The following WAC variants were observed in gnomAD, a reference collection of about 807,000 sequenced individuals.
WAC encodes WW domain containing adaptor with coiled-coil, also known as WW domain-containing adapter protein with coiled-coil.
In WAC, 11 loss-of-function variants were observed where a neutral mutation model predicts 79.6. The ratio of observed to expected loss-of-function variants is 0.14; its 90% CI spans 0.09 to 0.23. WAC has a LOEUF of 0.23. Ranked by LOEUF, WAC falls within the 10% of genes least tolerant of loss-of-function variation. WAC has a pLI of 1.00. For missense variants in WAC, 728 were observed against 773.5 expected (o/e 0.94, Z 0.70); for synonymous variants, 304 against 276.9 (o/e 1.10, Z -0.97).
intron 8 of WAC, among the ~76,000 whole-genome samples, chr10:28,609,456 A>G (rs969041252): frequency 5.3e-5 from 8 of 152,244 alleles, no homozygotes; most frequent in African/African-American, 1.9e-4. Context: ...TATCCTAAAA[A>G]TAAAGCTATC....
chr10:28,548,182 C>G lies in WAC; in HGVS notation c.274+12425C>G, dbSNP rs539021154. On this transcript the variant is annotated intron_variant, in intron 3 of 13. Coordinates refer to ENST00000354911, the MANE Select transcript of WAC (RefSeq NM_016628.5). ...AGGTGATCCACCTGCCTCTGCCTCC[C>G]AAAGTGCTGGGATTTACAGGAGTGA... is the stretch of plus-strand genomic sequence containing the variant. 2.4e-4 allele frequency among the ~76,000 whole-genome samples: 37 copies of G among 152,184 alleles called. No individual in the cohort carries two copies. The Middle Eastern group carries it at 0.014, about 56-fold the overall frequency.
In WAC at chr10:28,617,719, T is replaced by C; in HGVS notation, c.1809T>C (p.Thr603=). 6.3e-7 allele frequency: 1 copy of C among 1,598,952 alleles called. No individual in the cohort carries two copies. Among genetic ancestry groups the C allele is most frequent in the Non-Finnish European group, 8.5e-7 (1 of 1,175,424 alleles). ...CTATTCACATGTCCGAAATTTGTAC[T>C]GAATTAAAAAATTTAAGATCTTTAG... ...MGTIHMSEIC[T]ELKNLRSLVR... Residue 603 remains threonine, a synonymous_variant, in exon 13 of 14, where the codon ACT becomes ACC. Transcript: ENST00000354911.
At chr10:28,544,755 G>T (rs1294120010) in intron 3 of WAC, among the ~76,000 whole-genome samples, 2 of 152,006 alleles carry the variant, frequency 1.3e-5, no homozygotes, top group African/African-American at 4.8e-5. Flanking sequence ...TTTGGGGATA[G>T]ATGTAAGGGT....
chr10:28,595,850 C>T lies in WAC; in HGVS notation c.728C>T (p.Ser243Phe). 1 of 1,614,162 alleles carries T rather than the reference C, an allele frequency of 6.2e-7. No individual in the cohort carries two copies. Among genetic ancestry groups the T allele is most frequent in the Non-Finnish European group, 8.5e-7 (1 of 1,180,004 alleles). Residue 243 changes from serine to phenylalanine, a missense_variant, in exon 7 of 14, where the codon TCT (serine) becomes TTT (phenylalanine). Ser to Phe is a radical substitution (Grantham distance 155). Transcript: ENST00000354911. ...CCAAGAGCAGAGACTCACAGTAGTT[C>T]TACGCCAGTACAGCACCCCATCAAA... ...RLPRAETHSS[S>F]TPVQHPIKPV...
intron 3 of WAC, among the ~76,000 whole-genome samples, chr10:28,579,310 T>G (rs1022298245): frequency 6.6e-6 from 1 of 152,084 alleles, no homozygotes; most frequent in South Asian, 2.1e-4. Context: ...TGTGACCCAA[T>G]GAAGCAATGG....
chr10:28,588,755 TC>T (rs1206027615), intron 4 of WAC: 1 of 152,204 alleles, frequency 6.6e-6, no homozygotes, highest in Admixed American at 6.5e-5. Context: ...AATTGACAAT[TC>T]TACATATTTA....
chr10:28,564,841 T>A (rs193042212), intron 3 of WAC, among the ~76,000 whole-genome samples: 124 of 152,368 alleles, frequency 8.1e-4, no homozygotes, highest in African/African-American at 2.9e-3. Context: ...GAGATTTTAC[T>A]AGATTTGCAT....
At chr10:28,603,019 T>C (rs1840712831) in intron 7 of WAC, among the ~76,000 whole-genome samples, 1 of 152,204 alleles carries the variant, frequency 6.6e-6, no homozygotes, top group South Asian at 2.1e-4. Context: ...AAGTTTAAAA[T>C]AGCTTAGGAA....
chr10:28,621,605 T>A lies in WAC; in HGVS notation c.*1999T>A, dbSNP rs1841695301. 1 of 152,236 alleles carries A rather than the reference T, an allele frequency of 6.6e-6. No homozygotes were observed. Among genetic ancestry groups the A allele is most frequent in the Non-Finnish European group, 1.5e-5 (1 of 68,040 alleles). 9.4% of individuals were successfully genotyped at this position (152,236 alleles called of 1,614,324 possible). ...GTGAGATTGTTAACATCTGCTGAAT[T>A]TAACTAGTGCATGTAAATGAAACCC... On this transcript the variant is annotated 3_prime_UTR_variant, in exon 14 of 14. Transcript: ENST00000354911.
chr10:28,609,530 C>T (rs1422881212), intron 8 of WAC, among the ~76,000 whole-genome samples: 1 of 152,124 alleles, frequency 6.6e-6, no homozygotes, highest in Non-Finnish European at 1.5e-5. Context: ...TTATTTTATT[C>T]TCTAACCACG....
chr10:28,600,142 GAAAAC>G (rs938061917), intron 7 of WAC, among the ~76,000 whole-genome samples: 1 of 152,066 alleles, frequency 6.6e-6, no homozygotes, highest in Non-Finnish European at 1.5e-5. Flanking sequence ...AGATAAATTT[GAAAAC>G]AAAACAAAGT....
chr10:28,583,913 G>A (rs571781956), intron 4 of WAC, among the ~76,000 whole-genome samples: 8 of 152,138 alleles, frequency 5.3e-5, no homozygotes, highest in Non-Finnish European at 1.2e-4. Flanking sequence ...TCTCCCAGAC[G>A]CTAGGGATAT....
chr10:28,598,942 C>T (rs952383837), intron 7 of WAC, among the ~76,000 whole-genome samples: 5 of 152,270 alleles, frequency 3.3e-5, no homozygotes, highest in African/African-American at 1.2e-4. Flanking sequence ...TTTCCAAGTA[C>T]TTCTCCTTGT....
intron 8 of WAC, chr10:28,608,671 T>TA (rs1841077994): frequency 2.1e-6 from 1 of 481,420 alleles, no homozygotes; most frequent in Non-Finnish European, 3.7e-6. Flanking sequence ...CAATACTTGT[T>TA]ATGTGTCTGG....
At position 28,608,167 on chromosome 10, in the gene WAC, T is replaced by C; in HGVS notation, c.920-19T>C. 2 of 1,612,124 alleles carry C rather than the reference T, an allele frequency of 1.2e-6. No individual in the cohort carries two copies. Among genetic ancestry groups the C allele is most frequent in the East Asian group, 2.2e-5 (1 of 44,872 alleles). ...TCTCTATTCAGGTAATTTTTCAGGC[T>C]GATTATCTTTTTATTTAGAATCTAC... is the stretch of plus-strand genomic sequence containing the variant. On this transcript the variant is annotated intron_variant, in intron 7 of 13. Transcript: ENST00000354911.
intron 3 of WAC, among the ~76,000 whole-genome samples, chr10:28,559,047 T>A (rs1000245558): frequency 1.3e-5 from 2 of 152,106 alleles, no homozygotes; most frequent in Admixed American, 6.6e-5. Flanking sequence ...CTTAACGTAG[T>A]ACGTAAATAT....
intron 3 of WAC, among the ~76,000 whole-genome samples, chr10:28,559,243 A>C (rs751546267): frequency 6.6e-6 from 1 of 151,910 alleles, no homozygotes; most frequent in African/African-American, 2.4e-5. Context: ...AGCTAGGTAA[A>C]GGAGGAAGTA....
At chr10:28,579,443 C>T (rs145739384) in intron 3 of WAC, among the ~76,000 whole-genome samples, 1 of 152,108 alleles carries the variant, frequency 6.6e-6, no homozygotes, top group Non-Finnish European at 1.5e-5. Flanking sequence ...ATTCTGAGTT[C>T]AAGTTTTATG....
chr10:28,571,095 C>A (rs372548995), intron 3 of WAC, among the ~76,000 whole-genome samples: 2 of 151,380 alleles, frequency 1.3e-5, no homozygotes, highest in Non-Finnish European at 2.9e-5. Context: ...GTAGCTGGGA[C>A]TACAGGCGCT....
Sources: gnomAD v4.1 joint callset for allele counts (sites outside exome capture counted in the v4.1 genomes callset) on GRCh38, gnomAD v4.1.1 for gene constraint, MANE v1.5 for transcripts, NCBI Gene and HGNC (gene_info 2026-07-23, HGNC 2026-07-21) for gene names.